The following SARDH variants were observed in gnomAD, a reference collection of about 807,000 sequenced individuals.
The protein encoded by SARDH is sarcosine dehydrogenase, also known as sarcosine dehydrogenase, mitochondrial.
In SARDH, 95 loss-of-function variants were observed where a neutral mutation model predicts 109.1. The ratio of observed to expected loss-of-function variants is 0.87; its 90% CI spans 0.74 to 1.03. The LOEUF (loss-of-function observed/expected upper bound fraction) is 1.03. Among genes scored for constraint, SARDH ranks in the 50% least tolerant of loss-of-function variants. The pLI, the probability that SARDH is intolerant of heterozygous loss-of-function variation, is 0.00. For synonymous variants in SARDH, 572 were observed against 534.8 expected, an observed-to-expected ratio of 1.07 and a Z score of -0.96; for missense variants, 1,267 against 1,287.8, an observed-to-expected ratio of 0.98 and a Z score of 0.25.
In SARDH at chr9:133,718,623, G is replaced by A; in HGVS notation, c.1020+315C>T. ...GCTGCAGCAGCTGGTTGGGAGGGCA[G>A]TGTCATTTGCTGAAGGACGTAGGAC... On this transcript the variant is annotated intron_variant, in intron 7 of 20. Transcript: ENST00000439388. The surrounding 1 kb of genome is among the most constrained non-coding windows in gnomAD (Gnocchi z 4.2). 1 of 774,724 alleles carries A rather than the reference G, an allele frequency of 1.3e-6. No individual in the cohort carries two copies. Among genetic ancestry groups the A allele is most frequent in the Non-Finnish European group, 2.4e-6 (1 of 416,050 alleles). 48.0% of individuals were successfully genotyped at this position (774,724 alleles called of 1,614,324 possible).
chr9:133,694,402 G>A (rs1831212163), intron 14 of SARDH, 31 bp from the exon 15 acceptor site: 1 of 1,520,862 alleles, frequency 6.6e-7, no homozygotes, highest in South Asian at 1.2e-5. Context: ...CCGGGTCTGT[G>A]CTGAGGCCCC....
intron 19 of SARDH, 73 bp downstream of exon 19, chr9:133,670,511 G>C (rs1249232247): frequency 6.7e-7 from 1 of 1,483,008 alleles, no homozygotes; most frequent in Non-Finnish European, 9.1e-7. Flanking sequence ...TTGAGTGGGG[G>C]ACCAAGAAGC....
Position 133,688,124 on chromosome 9 carries a change from C to T in SARDH, c.2069+2256G>A, listed in dbSNP as rs1024575355. The stretch of plus-strand genomic sequence containing the variant: ...GCGTGGCAATGAAGCCAGAGGATTC[C>T]AAGGACCAGGCCTTGACACCCCTCC... On this transcript the variant is annotated intron_variant, in intron 16 of 20. Coordinates refer to ENST00000439388, the MANE Select transcript of SARDH (RefSeq NM_001134707.2). Among the ~76,000 whole-genome samples, 15 of 152,322 alleles carry T rather than the reference C, an allele frequency of 9.8e-5. No individual in the cohort carries two copies. The East Asian group carries it at 2.3e-3, about 24-fold the overall frequency.
Position 133,718,952 on chromosome 9 carries a change from T to C in SARDH, c.1006A>G (p.Ile336Val). The C allele has an allele frequency of 1.2e-6, 2 of 1,613,780 alleles. No individual in the cohort carries two copies. The highest frequency in any genetic ancestry group is 8.5e-7 in the Non-Finnish European group (1 of 1,179,724). ...LSVGGYEANP[I>V]FWEEVSDKFA... ...TGGCATCTTACCTCCTCCCAAAAGA[T>C]GGGGTTGGCCTCATAGCCACCCACA... The change falls in exon 7 of 21, where the codon ATC becomes GTC. Residue 336 changes from isoleucine (I) to valine (V), a missense_variant. Ile to Val is a conservative substitution (Grantham distance 29). Transcript: ENST00000439388. The surrounding 1 kb of genome is among the most constrained non-coding windows in gnomAD (Gnocchi z 4.2).
chr9:133,667,880 C>G lies in SARDH; in HGVS notation c.2496-1010G>C, dbSNP rs559774701. Among the ~76,000 whole-genome samples the G allele has an allele frequency of 9.9e-5, 15 of 152,264 alleles. No individual in the cohort carries two copies. The South Asian group carries it at 2.9e-3, about 29-fold the overall frequency. ...TGAGGACGCTGAGGCCCCAACTGCCCGGAGTCCCAGAGCAGTGTGGCAGGG... is the reference window on the plus strand; with the variant it reads ...TGAGGACGCTGAGGCCCCAACTGCCGGGAGTCCCAGAGCAGTGTGGCAGGG... On this transcript the variant is annotated intron_variant, in intron 19 of 20. Coordinates refer to ENST00000439388, the MANE Select transcript of SARDH (RefSeq NM_001134707.2).
At chr9:133,702,591 G>A (rs374517664) in intron 13 of SARDH, among the ~76,000 whole-genome samples, 1 of 152,186 alleles carries the variant, frequency 6.6e-6, no homozygotes, top group Non-Finnish European at 1.5e-5. Context: ...GCGCAGCTCC[G>A]GAGAGCGGGA....
At chr9:133,702,124 C>T (rs942372828) in intron 13 of SARDH, among the ~76,000 whole-genome samples, 1 of 152,224 alleles carries the variant, frequency 6.6e-6, no homozygotes, top group African/African-American at 2.4e-5. Flanking sequence ...TGAGGTGTCA[C>T]GCGTCTCCCT....
chr9:133,663,747 TG>T lies in SARDH; in HGVS notation c.*141del. On this transcript the variant is annotated 3_prime_UTR_variant, in exon 21 of 21. Coordinates refer to ENST00000439388, the MANE Select transcript of SARDH (RefSeq NM_001134707.2). Reference sequence around the variant, plus strand: ...TCTTGGTCTCTGTCCGTATCTGGTTTGGGGGTTTTCGCAGGACTAGGCCTAG... The same window carrying T: ...TCTTGGTCTCTGTCCGTATCTGGTTTGGGGTTTTCGCAGGACTAGGCCTAG... 2 of 1,163,304 alleles carry T rather than the reference TG, an allele frequency of 1.7e-6. No individual in the cohort carries two copies. Among genetic ancestry groups the T allele is most frequent in the Non-Finnish European group, 1.2e-6 (1 of 814,474 alleles). The allele number at this position is 1,163,304 out of a possible 1,614,324, so 72.1% of individuals were successfully genotyped here. A position where few individuals can be genotyped will look rare whatever the true frequency, so the allele number is the denominator to read the frequency against.
intron 19 of SARDH, among the ~76,000 whole-genome samples, chr9:133,669,798 T>G (rs1280284224): frequency 6.6e-6 from 1 of 152,218 alleles, no homozygotes; most frequent in Non-Finnish European, 1.5e-5. Context: ...ATCACAGGGC[T>G]GTGGGGAGAC....
At chr9:133,724,226 C>T (rs1286380402) in intron 6 of SARDH, among the ~76,000 whole-genome samples, 1 of 152,154 alleles carries the variant, frequency 6.6e-6, no homozygotes, top group Non-Finnish European at 1.5e-5. Flanking sequence ...ATAGAAGTTT[C>T]AATCACTGAA....
At chr9:133,732,385 CAA>C in intron 3 of SARDH, 36 bp downstream of exon 3, 18 of 1,263,024 alleles carry the variant, frequency 1.4e-5, no homozygotes, top group South Asian at 3.7e-5. Context: ...CCCACCCACC[CAA>C]GCCCCCCTCC....
At position 133,666,830 on chromosome 9, in the gene SARDH, C is replaced by T. The variant is rs558656991; in HGVS notation, c.2536G>A (p.Gly846Ser). Residue 846 changes from glycine (G) to serine (S), a missense_variant, in exon 20 of 21, where the codon GGC (glycine) becomes AGC (serine). Gly to Ser is a moderately conservative substitution (Grantham distance 56). Transcript: ENST00000439388. The surrounding 1 kb of genome is among the most constrained non-coding windows in gnomAD (Gnocchi z 5.2). ...CTCCGGACATGGCCCACCACTTGGC[C>T]GTTCCTCCAGATGGCCTCCAGGCCA... ...MFGLEAIWRN[G>S]QVVGHVRRAD... is the part of the protein sequence containing the mutation. 1.5e-5 allele frequency: 24 copies of T among 1,610,902 alleles called. No individual in the cohort carries two copies. The highest frequency in any genetic ancestry group is 1.3e-4 in the East Asian group (6 of 44,786).
intron 8 of SARDH, 40 bp downstream of exon 8, chr9:133,717,286 A>G: frequency 6.2e-7 from 1 of 1,610,558 alleles, no homozygotes; most frequent in Non-Finnish European, 8.5e-7. Context: ...AGACCAAAGG[A>G]CCCATGGACG....
At chr9:133,662,031 G>A (rs557326641), downstream of SARDH, among the ~76,000 whole-genome samples, 3 of 152,262 alleles carry the variant, frequency 2.0e-5, 1 homozygote, top group South Asian at 4.1e-4. This position sits in a 1 kb window ranked among gnomAD's most constrained non-coding sequence, Gnocchi z 5.1. Context: ...GATGGAGCCC[G>A]CAGGTGATGA....
At chr9:133,726,466 CAG>C (rs1384722956) in intron 6 of SARDH, among the ~76,000 whole-genome samples, 2 of 151,870 alleles carry the variant, frequency 1.3e-5, no homozygotes, top group Admixed American at 6.6e-5. Flanking sequence ...AAGCCAGCCC[CAG>C]AGTTCCATAG....
chr9:133,699,460 C>G (rs1455477674), intron 13 of SARDH, among the ~76,000 whole-genome samples: 2 of 151,704 alleles, frequency 1.3e-5, no homozygotes, highest in Non-Finnish European at 2.9e-5. Context: ...GAGCCGAGAT[C>G]ACACCATTGC....
At chr9:133,698,603 A>G (rs947672908) in intron 13 of SARDH, among the ~76,000 whole-genome samples, 1 of 152,254 alleles carries the variant, frequency 6.6e-6, no homozygotes, top group South Asian at 2.1e-4. Context: ...AATAGAATTG[A>G]GAGTCCAGAA....
At chr9:133,702,249 C>T (rs1251454755) in intron 13 of SARDH, among the ~76,000 whole-genome samples, 2 of 152,236 alleles carry the variant, frequency 1.3e-5, no homozygotes, top group Non-Finnish European at 2.9e-5. Context: ...GGGGAGAACG[C>T]CCCTGTGTGG....
chr9:133,703,354 C>T (rs147622301), intron 12 of SARDH: 1 of 371,560 alleles, frequency 2.7e-6, no homozygotes, highest in South Asian at 3.6e-5. Context: ...CAGGGCTGCT[C>T]CCTGGAGCCA....
Sources: allele counts gnomAD v4.1 joint callset (sites outside exome capture counted in the v4.1 genomes callset), GRCh38; gene constraint gnomAD v4.1.1; non-coding constraint Gnocchi (gnomAD v3.1); transcripts MANE v1.5; gene names NCBI Gene and HGNC (gene_info 2026-07-23, HGNC 2026-07-21).